PPM1E: variants seen among roughly 807,000 people sequenced by gnomAD.
PPM1E encodes the protein protein phosphatase 1E.
In PPM1E, 20 loss-of-function variants were observed where a neutral mutation model predicts 65.9. That is an observed-to-expected ratio of 0.30 (90% CI 0.21 to 0.44). The LOEUF is 0.44. Among genes scored for constraint, PPM1E ranks in the 20% least tolerant of loss-of-function variants. The pLI is 1.00. For synonymous variants in PPM1E, 352 were observed against 374.9 expected, an observed-to-expected ratio of 0.94 and a Z score of 0.70; for missense variants, 713 against 953.1, an observed-to-expected ratio of 0.75 and a Z score of 3.32.
intron 1 of PPM1E, among the ~76,000 whole-genome samples, chr17:58,877,089 G>A (rs768098180): frequency 1.8e-4 from 27 of 152,244 alleles, no homozygotes; most frequent in Admixed American, 4.6e-4. Flanking sequence ...GGCCAAATGC[G>A]CATGTTAAAT....
At chr17:58,887,549 C>T (rs117209877) in intron 1 of PPM1E, among the ~76,000 whole-genome samples, 2,556 of 152,146 alleles carry the variant, frequency 0.017, 33 homozygotes, top group Non-Finnish European at 0.028. Flanking sequence ...GCTTTCTAGG[C>T]AGAGGAATCA....
chr17:58,776,415 T>TA (rs893221456), intron 1 of PPM1E, among the ~76,000 whole-genome samples: 1 of 152,204 alleles, frequency 6.6e-6, no homozygotes, highest in African/African-American at 2.4e-5. Flanking sequence ...AATGGATTCT[T>TA]ACGACAAAAT....
intron 1 of PPM1E, among the ~76,000 whole-genome samples, chr17:58,797,463 G>A (rs996218594): frequency 1.3e-5 from 2 of 152,126 alleles, no homozygotes; most frequent in Non-Finnish European, 2.9e-5. Flanking sequence ...GTAAACAGAA[G>A]CATATAGTAG....
At chr17:58,796,514 C>T (rs950900117) in intron 1 of PPM1E, among the ~76,000 whole-genome samples, 4 of 151,982 alleles carry the variant, frequency 2.6e-5, no homozygotes, top group Non-Finnish European at 4.4e-5. Flanking sequence ...AAGTGATCTA[C>T]TTGCCTTGGC....
At chr17:58,952,038 G>A (rs533151962) in intron 1 of PPM1E, among the ~76,000 whole-genome samples, 1 of 152,202 alleles carries the variant, frequency 6.6e-6, no homozygotes, top group Admixed American at 6.5e-5. Context: ...ATGGGTCTTG[G>A]GGCATCAGTT....
chr17:58,765,141 G>A (rs752030778), intron 1 of PPM1E, among the ~76,000 whole-genome samples: 1 of 149,024 alleles, frequency 6.7e-6, no homozygotes, highest in Non-Finnish European at 1.5e-5. Flanking sequence ...TTACTGATTA[G>A]CATTCCAAAA....
chr17:58,910,724 G>C (rs372296320), intron 1 of PPM1E, among the ~76,000 whole-genome samples: 1 of 152,100 alleles, frequency 6.6e-6, no homozygotes, highest in East Asian at 1.9e-4. Context: ...TCTCAGGGTT[G>C]GTTTTGTTTT....
intron 1 of PPM1E, among the ~76,000 whole-genome samples, chr17:58,860,347 A>G (rs2050926531): frequency 6.6e-6 from 1 of 152,224 alleles, no homozygotes; most frequent in Admixed American, 6.5e-5. Flanking sequence ...CAGTAAATAC[A>G]CAATGCCCAT....
intron 1 of PPM1E, among the ~76,000 whole-genome samples, chr17:58,881,687 C>T (rs1598626820): frequency 1.3e-5 from 2 of 151,310 alleles, no homozygotes; most frequent in East Asian, 2.0e-4. Flanking sequence ...AAAAACAAAA[C>T]ATAAAAATTA....
In PPM1E at chr17:58,930,250, T is replaced by TATACAC. The variant is rs1555620517; in HGVS notation, c.465-25398_465-25397insTACACA. 8.8e-3 allele frequency among the ~76,000 whole-genome samples: 1,262 copies of TATACAC among 143,286 alleles called. 8 individuals carry two copies. The highest frequency in any genetic ancestry group is 0.017 in the South Asian group (76 of 4,428). The allele number at this position is 143,286 out of a possible 152,430, so 94.0% of individuals were successfully genotyped here. ...ACCTCTACAATAAATTAAATGTATA[T>TATACAC]ACACACACACACACACACACACACA... On this transcript the variant is annotated intron_variant, in intron 1 of 6. Coordinates refer to ENST00000308249, the MANE Select transcript of PPM1E (RefSeq NM_014906.5).
At chr17:58,824,737 C>T (rs1255177937) in intron 1 of PPM1E, among the ~76,000 whole-genome samples, 2 of 150,970 alleles carry the variant, frequency 1.3e-5, no homozygotes, top group Non-Finnish European at 2.9e-5. Context: ...TACAGGTGCC[C>T]GTCACCACGC....
At chr17:58,783,861 C>T (rs1666773265) in intron 1 of PPM1E, among the ~76,000 whole-genome samples, 1 of 151,956 alleles carries the variant, frequency 6.6e-6, no homozygotes, top group South Asian at 2.1e-4. Flanking sequence ...GTGACCACCA[C>T]CACGCCCAGC....
chr17:58,937,053 T>C (rs2051991100), intron 1 of PPM1E, among the ~76,000 whole-genome samples: 1 of 151,764 alleles, frequency 6.6e-6, no homozygotes, highest in African/African-American at 2.4e-5. Flanking sequence ...TCCCAGCACT[T>C]TGGGAGGCCG....
intron 1 of PPM1E, among the ~76,000 whole-genome samples, chr17:58,916,233 A>G (rs1358070300): frequency 1.3e-5 from 2 of 152,214 alleles, no homozygotes; most frequent in Non-Finnish European, 2.9e-5. Flanking sequence ...TGCTCCTTAC[A>G]GGTTGTTGTA....
rs1050651233 is a variant in PPM1E, at chr17:58,891,946, A to G, written c.465-63703A>G. ...CACCTCCCCGGTTCAAATGATTTTC[A>G]TGTCTCAGCCACCCAAATAGCTGGA... On this transcript the variant is annotated intron_variant, in intron 1 of 6. Transcript: ENST00000308249. Among the ~76,000 whole-genome samples, 3 of 140,298 alleles carry G rather than the reference A, an allele frequency of 2.1e-5. No individual in the cohort carries two copies. The South Asian group carries it at 6.5e-4, about 30-fold the overall frequency. The allele number at this position is 140,298 out of a possible 152,430, so 92.0% of individuals were successfully genotyped here.
intron 1 of PPM1E, among the ~76,000 whole-genome samples, chr17:58,892,913 T>C (rs770101605): frequency 6.6e-6 from 1 of 152,166 alleles, no homozygotes. Flanking sequence ...GAGATAACAC[T>C]ACACACCTAT....
intron 1 of PPM1E, among the ~76,000 whole-genome samples, chr17:58,806,030 C>T (rs914699763): frequency 7.3e-5 from 10 of 137,678 alleles, no homozygotes; most frequent in Admixed American, 3.8e-4. Context: ...GCATTTGATA[C>T]TTAATTGTAG....
At chr17:58,921,664 C>T (rs969132759) in intron 1 of PPM1E, among the ~76,000 whole-genome samples, 2 of 84,216 alleles carry the variant, frequency 2.4e-5, no homozygotes, top group African/African-American at 8.3e-5. Context: ...GACTCTATCT[C>T]AAAAAAAAAA....
At chr17:58,792,781 G>A (rs1325473145) in intron 1 of PPM1E, among the ~76,000 whole-genome samples, 1 of 81,688 alleles carries the variant, frequency 1.2e-5, no homozygotes, top group African/African-American at 6.3e-5. Flanking sequence ...TTGAGATGGA[G>A]TCTCATTCTG....
Sources: allele counts gnomAD v4.1 joint callset (sites outside exome capture counted in the v4.1 genomes callset), GRCh38; gene constraint gnomAD v4.1.1; transcripts MANE v1.5; gene names NCBI Gene and HGNC (gene_info 2026-07-23, HGNC 2026-07-21).